The following SHOC1 variants were observed in gnomAD, a reference collection of about 807,000 sequenced individuals.
SHOC1 encodes the protein shortage in chiasmata 1, also known as protein shortage in chiasmata 1 ortholog.
A neutral mutation model predicts 179.2 loss-of-function variants in SHOC1; 136 were observed. That is an observed-to-expected ratio of 0.76 (90% CI 0.66 to 0.87). SHOC1 has a LOEUF of 0.87. Ranked by LOEUF, SHOC1 falls within the 40% of genes least tolerant of loss-of-function variation. The pLI is 0.00. For synonymous variants in SHOC1, 489 were observed against 586.6 expected (o/e 0.83, Z 2.41); for missense variants, 1,538 against 1,700.8 (o/e 0.90, Z 1.68).
chr9:111,748,264 C>A, intron 8 of SHOC1, 65 bp from the exon 9 acceptor site: 1 of 1,122,484 alleles, frequency 8.9e-7, no homozygotes, highest in South Asian at 1.3e-5. Flanking sequence ...TAACCTTGTT[C>A]AGTGGCATTT....
At chr9:111,697,167 T>C (rs1450453521) in intron 24 of SHOC1, among the ~76,000 whole-genome samples, 3 of 151,294 alleles carry the variant, frequency 2.0e-5, no homozygotes, top group Admixed American at 1.3e-4. Context: ...GAGAGTAGGA[T>C]TGGGGCAGGT....
chr9:111,697,685 A>G (rs537175222), intron 24 of SHOC1, among the ~76,000 whole-genome samples: 2 of 152,364 alleles, frequency 1.3e-5, no homozygotes, highest in Admixed American at 1.3e-4. Context: ...AGCATGATTT[A>G]TAATCCTTTG....
chr9:111,705,538 A>G (rs1164760671), intron 20 of SHOC1, among the ~76,000 whole-genome samples, 174 bp from the exon 21 acceptor site: 3 of 152,014 alleles, frequency 2.0e-5, no homozygotes, highest in African/African-American at 7.2e-5. Context: ...AAACCATGTT[A>G]TCCTACCGAG....
chr9:111,786,460 G>A (rs982329058), intron 2 of SHOC1, among the ~76,000 whole-genome samples: 2 of 149,758 alleles, frequency 1.3e-5, no homozygotes, highest in African/African-American at 4.9e-5. Context: ...AAAAAAACAG[G>A]CATCCCTCAC....
chr9:111,776,252 T>C (rs1835829711), intron 4 of SHOC1, among the ~76,000 whole-genome samples: 1 of 152,176 alleles, frequency 6.6e-6, no homozygotes, highest in African/African-American at 2.4e-5. Context: ...TGTCAATCAA[T>C]GTACATTCAC....
intron 13 of SHOC1, among the ~76,000 whole-genome samples, chr9:111,725,502 G>A (rs1405961708): frequency 2.6e-5 from 4 of 152,202 alleles, no homozygotes; most frequent in African/African-American, 9.6e-5. Flanking sequence ...ATACCCCACT[G>A]GGTCCAGGGA....
intron 26 of SHOC1, among the ~76,000 whole-genome samples, chr9:111,693,245 G>C (rs1831524205): frequency 6.6e-6 from 1 of 151,808 alleles, no homozygotes; most frequent in African/African-American, 2.4e-5. Flanking sequence ...GCTGGAGACT[G>C]CAGTGAGCCG....
intron 1 of SHOC1, among the ~76,000 whole-genome samples, chr9:111,793,778 G>A (rs1026294069): frequency 8.6e-5 from 13 of 151,570 alleles, no homozygotes; most frequent in Non-Finnish European, 1.3e-4. Context: ...AAATGCACAC[G>A]ATAATGAGGT....
At chr9:111,723,743 C>T in intron 14 of SHOC1, 49 bp downstream of exon 14, 1 of 1,581,100 alleles carries the variant, frequency 6.3e-7, no homozygotes, top group Non-Finnish European at 8.6e-7. Context: ...TAGGAAAGGA[C>T]TTTCAAACTA....
At chr9:111,759,233 C>T (rs1300179634) in intron 5 of SHOC1, 12 of 1,613,826 alleles carry the variant, frequency 7.4e-6, no homozygotes, top group Non-Finnish European at 9.3e-6. Flanking sequence ...CCTTGGTCTT[C>T]TCTGCATCAT....
Position 111,693,660 on chromosome 9 carries a change from A to G in SHOC1, c.3465+139T>C, listed in dbSNP as rs902608319. ...AAACGTCTATATGAAATTTAGTTCA[A>G]GTAAATTATTTCCTTGCTATTTGAA... On this transcript the variant is annotated intron_variant, in intron 26 of 27. Coordinates refer to ENST00000682961, the MANE Select transcript of SHOC1 (RefSeq NM_001378211.1). 1.8e-5 allele frequency: 8 copies of G among 446,992 alleles called. No individual in the cohort carries two copies. In the Admixed American group the frequency reaches 3.0e-4, roughly 17 times the overall value. 27.7% of individuals were successfully genotyped at this position (446,992 alleles called of 1,614,324 possible).
intron 5 of SHOC1, chr9:111,759,231 T>C: frequency 6.2e-7 from 1 of 1,613,902 alleles, no homozygotes; most frequent in Non-Finnish European, 8.5e-7. Context: ...GACCTTGGTC[T>C]TCTCTGCATC....
rs377312835 is a variant in SHOC1, at chr9:111,693,752, C to G, written c.3465+47G>C. 4.3e-5 allele frequency: 54 copies of G among 1,247,744 alleles called. 1 individual carries two copies. The Middle Eastern group carries it at 1.2e-3, about 28-fold the overall frequency. 77.3% of individuals were successfully genotyped at this position (1,247,744 alleles called of 1,614,324 possible). A position where few individuals can be genotyped will look rare whatever the true frequency, so the allele number is the denominator to read the frequency against. On this transcript the variant is annotated intron_variant, in intron 26 of 27. Coordinates refer to ENST00000682961, the MANE Select transcript of SHOC1 (RefSeq NM_001378211.1). ...CTATTGTAAAAATAGATACTCAAATCGAAAGGAAATAAATTCATATCATAG... is the reference window on the plus strand; with the variant it reads ...CTATTGTAAAAATAGATACTCAAATGGAAAGGAAATAAATTCATATCATAG...
intron 13 of SHOC1, among the ~76,000 whole-genome samples, chr9:111,726,099 T>C (rs1214778089): frequency 6.6e-6 from 1 of 152,192 alleles, no homozygotes; most frequent in Non-Finnish European, 1.5e-5. Context: ...TATATTTTGC[T>C]TATTTTTATG....
At chr9:111,759,671 A>C in intron 5 of SHOC1, 1 of 607,370 alleles carries the variant, frequency 1.6e-6, no homozygotes, top group Non-Finnish European at 2.1e-6. Context: ...GTTCCCAAAA[A>C]AGAAAGCCAT....
intron 12 of SHOC1, among the ~76,000 whole-genome samples, chr9:111,732,518 G>A (rs1250452233): frequency 1.3e-5 from 2 of 152,018 alleles, no homozygotes; most frequent in African/African-American, 2.4e-5. Context: ...AAAAGCCCAG[G>A]GGAATTGATA....
Position 111,691,985 on chromosome 9 carries a change from G to A in SHOC1, c.3992C>T (p.Thr1331Ile), listed in dbSNP as rs1831459104. Residue 1331 changes from threonine to isoleucine, a missense_variant, in exon 27 of 28, where the codon ACA (threonine) becomes ATA (isoleucine). Physicochemically the swap from Thr to Ile is moderately conservative, Grantham distance 89. Coordinates refer to ENST00000682961, the MANE Select transcript of SHOC1 (RefSeq NM_001378211.1). ...ATTTATGAAACCTTTTGCTTCATGT[G>A]TTCTCCTTTTCTGAGAATTTATAAA... is the stretch of plus-strand genomic sequence containing the variant. Reference protein sequence around the residue: ...PRFINSQKRRTHEAKGFINKD... With the variant: ...PRFINSQKRRIHEAKGFINKD... 1.2e-6 allele frequency: 2 copies of A among 1,613,220 alleles called. No individual in the cohort carries two copies. Among genetic ancestry groups the A allele is most frequent in the Admixed American group, 1.7e-5 (1 of 59,894 alleles).
intron 5 of SHOC1, among the ~76,000 whole-genome samples, chr9:111,768,802 A>C (rs1476427922): frequency 1.3e-5 from 2 of 152,208 alleles, no homozygotes; most frequent in Non-Finnish European, 2.9e-5. Flanking sequence ...TTTATGTTGA[A>C]TAAAAGTGCT....
chr9:111,717,446 A>T (rs1222284565), intron 16 of SHOC1, among the ~76,000 whole-genome samples: 1 of 152,082 alleles, frequency 6.6e-6, no homozygotes, highest in Non-Finnish European at 1.5e-5. Flanking sequence ...ATACAAAATT[A>T]GCCAGGCATG....
Sources: gnomAD v4.1 joint callset for allele counts (sites outside exome capture counted in the v4.1 genomes callset) on GRCh38, gnomAD v4.1.1 for gene constraint, MANE v1.5 for transcripts, NCBI Gene and HGNC (gene_info 2026-07-23, HGNC 2026-07-21) for gene names.